Variants in SEM1 observed in about 807,000 individuals in gnomAD.
The protein encoded by SEM1 is SEM1 26S proteasome subunit, also known as 26S proteasome complex subunit SEM1.
A neutral mutation model predicts 12.7 loss-of-function variants in SEM1; 3 were observed. The observed-to-expected ratio is 0.24, with a 90% CI of 0.11 to 0.61. The LOEUF (loss-of-function observed/expected upper bound fraction) is 0.61. SEM1 is among the 20% of genes least tolerant of loss of function. The pLI is 0.88. For missense variants in SEM1, 59 were observed against 81.3 expected (o/e 0.73, Z 1.06); for synonymous variants, 30 against 27.8 (o/e 1.08, Z -0.25).
chr7:96,508,896 T>C (rs1185380159), intron 2 of SEM1, among the ~76,000 whole-genome samples: 2 of 152,150 alleles, frequency 1.3e-5, no homozygotes, highest in Non-Finnish European at 2.9e-5. Context: ...CGTCTTTACT[T>C]GATAACTCTA....
At chr7:96,580,477 C>A (rs376981982) in intron 2 of SEM1, among the ~76,000 whole-genome samples, 3,587 of 147,438 alleles carry the variant, frequency 0.024, 132 homozygotes, top group Admixed American at 0.083. Context: ...TCCTTTGGGT[C>A]TATACCCAGT....
chr7:96,571,918 C>CT (rs1030621367), intron 2 of SEM1, among the ~76,000 whole-genome samples: 14 of 151,888 alleles, frequency 9.2e-5, no homozygotes, highest in Non-Finnish European at 1.5e-4. Context: ...TGGTCCTGGG[C>CT]TTTTTTTGGT....
intron 2 of SEM1, among the ~76,000 whole-genome samples, chr7:96,680,173 C>T (rs1789565997): frequency 1.3e-5 from 2 of 152,044 alleles, no homozygotes; most frequent in Non-Finnish European, 2.9e-5. Context: ...GAACTGAAGT[C>T]GAATTCCCTA....
intron 2 of SEM1, chr7:96,656,599 A>AAAC (rs1809188018): frequency 6.6e-6 from 1 of 152,012 alleles, no homozygotes; most frequent in Non-Finnish European, 1.5e-5. Flanking sequence ...GTAAAAAAAA[A>AAAC]AAAAAAATCA....
chr7:96,498,085 C>T (rs1349392560), upstream of SEM1, among the ~76,000 whole-genome samples: 1 of 152,164 alleles, frequency 6.6e-6, no homozygotes, highest in Non-Finnish European at 1.5e-5. Context: ...CATGCAACAT[C>T]TCATTTAACT....
intron 1 of SEM1, among the ~76,000 whole-genome samples, chr7:96,700,478 A>G (rs1371832131): frequency 6.6e-6 from 1 of 152,190 alleles, no homozygotes; most frequent in Non-Finnish European, 1.5e-5. Flanking sequence ...AGTGGTAGTC[A>G]GCCCTCTCTA....
chr7:96,499,498 T>C (rs568585970), upstream of SEM1, among the ~76,000 whole-genome samples: 1 of 152,312 alleles, frequency 6.6e-6, no homozygotes, highest in African/African-American at 2.4e-5. Context: ...GGGAACTGCA[T>C]GAGGGTTCCT....
intron 2 of SEM1, among the ~76,000 whole-genome samples, chr7:96,651,861 C>T (rs1808999737): frequency 6.6e-6 from 1 of 152,162 alleles, no homozygotes; most frequent in East Asian, 1.9e-4. Context: ...ACATGAGTCA[C>T]CACACCTGGC....
intron 2 of SEM1, among the ~76,000 whole-genome samples, chr7:96,530,388 C>A (rs1776629272): frequency 6.6e-6 from 1 of 152,170 alleles, no homozygotes; most frequent in South Asian, 2.1e-4. Flanking sequence ...CCATGGAGGT[C>A]TCATCTAGGG....
At chr7:96,505,691 C>G (rs533549523) in intron 3 of SEM1, among the ~76,000 whole-genome samples, 35 of 152,138 alleles carry the variant, frequency 2.3e-4, no homozygotes, top group African/African-American at 8.2e-4. Flanking sequence ...TCAGAAAATT[C>G]AATGTTTGGC....
intron 2 of SEM1, among the ~76,000 whole-genome samples, chr7:96,691,399 ATC>A (rs1789930380): frequency 6.6e-6 from 1 of 152,198 alleles, no homozygotes; most frequent in African/African-American, 2.4e-5. Flanking sequence ...ACTAATTATC[ATC>A]TGAGTTTTAT....
At chr7:96,560,778 A>C (rs1167510851) in intron 2 of SEM1, among the ~76,000 whole-genome samples, 1 of 151,714 alleles carries the variant, frequency 6.6e-6, no homozygotes, top group Non-Finnish European at 1.5e-5. Context: ...CCCCTATGGC[A>C]GTTGTGTGGT....
chr7:96,693,728 T>C (rs1563116114), intron 2 of SEM1, among the ~76,000 whole-genome samples: 2 of 151,218 alleles, frequency 1.3e-5, no homozygotes, highest in African/African-American at 4.9e-5. Flanking sequence ...AAAAGTTAAA[T>C]ATAGAATTAA....
intron 2 of SEM1, among the ~76,000 whole-genome samples, chr7:96,643,323 G>A (rs150463516): frequency 1.9e-3 from 282 of 151,304 alleles, no homozygotes; most frequent in African/African-American, 6.5e-3. Flanking sequence ...TGGTGTATAC[G>A]TACCATATTT....
At chr7:96,660,533 CTTTA>C (rs1174673572) in intron 2 of SEM1, among the ~76,000 whole-genome samples, 1 of 152,042 alleles carries the variant, frequency 6.6e-6, no homozygotes, top group African/African-American at 2.4e-5. Context: ...ACCCCTTATG[CTTTA>C]TTTAAACTGA....
In SEM1 at chr7:96,504,671, A is replaced by T. The variant is rs1243788752; in HGVS notation, c.*60+1952T>A. On this transcript the variant is annotated intron_variant and NMD_transcript_variant, in intron 3 of 3. Transcript: ENST00000466986. ...AAGCTACAGTACCATTTTCAAACCT[A>T]AAAACATCGAGCAATTCCTCATATC... Among the ~76,000 whole-genome samples, 3 of 152,268 alleles carry T rather than the reference A, an allele frequency of 2.0e-5. No individual in the cohort carries two copies. The East Asian group carries it at 5.8e-4, about 29-fold the overall frequency.
chr7:96,550,223 T>G (rs533817369), intron 2 of SEM1, among the ~76,000 whole-genome samples: 66 of 152,274 alleles, frequency 4.3e-4, no homozygotes, highest in African/African-American at 1.6e-3. Flanking sequence ...CTCATAGAGT[T>G]AATACAGAAA....
intron 2 of SEM1, among the ~76,000 whole-genome samples, chr7:96,520,245 C>T (rs532363742): frequency 6.6e-6 from 1 of 152,238 alleles, no homozygotes; most frequent in Non-Finnish European, 1.5e-5. Flanking sequence ...TGTAGAATGA[C>T]AAAATTCCTA....
At chr7:96,589,707 A>C (rs1806767645) in intron 2 of SEM1, among the ~76,000 whole-genome samples, 1 of 152,208 alleles carries the variant, frequency 6.6e-6, no homozygotes. Flanking sequence ...TTTGAAAAGA[A>C]ATTATCTTGG....
Sources: allele counts gnomAD v4.1 joint callset (sites outside exome capture counted in the v4.1 genomes callset), GRCh38; gene constraint gnomAD v4.1.1; transcripts MANE v1.5; gene names NCBI Gene and HGNC (gene_info 2026-07-23, HGNC 2026-07-21).